DSCAM: variants seen among roughly 807,000 people sequenced by gnomAD.
DSCAM encodes cell adhesion molecule DSCAM.
A neutral mutation model predicts 217.7 loss-of-function variants in DSCAM; 47 were observed. The observed-to-expected ratio is 0.22, with a 90% CI of 0.17 to 0.28. DSCAM has a LOEUF of 0.28. DSCAM is among the 10% of genes least tolerant of loss of function. The pLI, the probability that DSCAM is intolerant of heterozygous loss-of-function variation, is 1.00. For synonymous variants in DSCAM, 1,056 were observed against 1,015.3 expected, an observed-to-expected ratio of 1.04 and a Z score of -0.76; for missense variants, 2,080 against 2,618.3, an observed-to-expected ratio of 0.79 and a Z score of 4.49.
At position 40,075,084 on chromosome 21, in the gene DSCAM, A is replaced by G; in HGVS notation, c.4841T>C (p.Leu1614Pro). 6.2e-7 allele frequency: 1 copy of G among 1,614,218 alleles called. No homozygotes were observed. The highest frequency in any genetic ancestry group is 8.5e-7 in the Non-Finnish European group (1 of 1,180,040). The change falls in exon 27 of 33, where the codon CTG becomes CCG. Residue 1614 changes from leucine (L) to proline (P), a missense_variant. By Grantham distance (98) the Leu-to-Pro change is moderately conservative. Coordinates refer to ENST00000400454, the MANE Select transcript of DSCAM (RefSeq NM_001389.5). ...CTCCCGCCGCCTCCTCCGCACAACCAGCAGGAGCACAAACAGCAGCAAGAC... is the reference window on the plus strand; with the variant it reads ...CTCCCGCCGCCTCCTCCGCACAACCGGCAGGAGCACAAACAGCAGCAAGAC... ...VGVLLLFVLLLVVRRRRREQR... is the reference protein window; with the variant it reads ...VGVLLLFVLLPVVRRRRREQR...
At chr21:40,336,683 G>A (rs2074432870) in intron 8 of DSCAM, among the ~76,000 whole-genome samples, 1 of 152,182 alleles carries the variant, frequency 6.6e-6, no homozygotes, top group Non-Finnish European at 1.5e-5. Flanking sequence ...TTAAGATACT[G>A]CCATGTTTTA....
intron 8 of DSCAM, among the ~76,000 whole-genome samples, chr21:40,330,957 G>T (rs186857513): frequency 1.3e-5 from 2 of 152,056 alleles, no homozygotes; most frequent in African/African-American, 4.8e-5. Context: ...TTCCCAAGTC[G>T]TTGTTGAAAA....
chr21:40,717,235 C>T (rs1044838898), intron 1 of DSCAM, among the ~76,000 whole-genome samples: 7 of 152,172 alleles, frequency 4.6e-5, no homozygotes, highest in East Asian at 1.9e-4. Context: ...ATAACCAAGG[C>T]GTGGAAGGGT....
Position 40,824,865 on chromosome 21 carries a change from C to A in DSCAM, c.43+21754G>T, listed in dbSNP as rs75152182. 1.4e-3 allele frequency among the ~76,000 whole-genome samples: 209 copies of A among 152,296 alleles called. 2 individuals carry two copies. Among genetic ancestry groups the A allele is most frequent in the African/African-American group, 4.3e-3 (179 of 41,552 alleles). On this transcript the variant is annotated intron_variant, in intron 1 of 32. Transcript: ENST00000400454. ...CCCACGTTTCCCAGTCAAAAGCATA[C>A]ACAACCTTAAAAGTAAAGTTTTTAA... is the stretch of plus-strand genomic sequence containing the variant.
intron 4 of DSCAM, among the ~76,000 whole-genome samples, chr21:40,364,946 T>C (rs1339730218): frequency 6.7e-6 from 1 of 150,166 alleles, no homozygotes; most frequent in Non-Finnish European, 1.5e-5. Flanking sequence ...TATAAAAGAA[T>C]TTCATACTTT....
intron 17 of DSCAM, 68 bp from the exon 18 acceptor site, chr21:40,142,772 G>A (rs2090308869): frequency 3.3e-6 from 5 of 1,502,894 alleles, no homozygotes; most frequent in East Asian, 2.3e-5. Flanking sequence ...AACCGAAAAA[G>A]CAACGTATTT....
intron 3 of DSCAM, among the ~76,000 whole-genome samples, chr21:40,509,487 G>C (rs978817432): frequency 6.6e-6 from 1 of 152,162 alleles, no homozygotes; most frequent in Non-Finnish European, 1.5e-5. Flanking sequence ...GCTCCCCATT[G>C]TTCCTCTCAC....
At chr21:40,143,501 G>A (rs1450903751) in intron 17 of DSCAM, among the ~76,000 whole-genome samples, 6 of 152,206 alleles carry the variant, frequency 3.9e-5, no homozygotes, top group African/African-American at 1.2e-4. Context: ...CCGCAAACCT[G>A]TGATCAAGGG....
chr21:40,290,543 C>T (rs996339081), intron 10 of DSCAM, among the ~76,000 whole-genome samples: 14 of 152,160 alleles, frequency 9.2e-5, no homozygotes, highest in Non-Finnish European at 1.9e-4. Context: ...ATCTCTTGAA[C>T]CCGGGAGGTG....
intron 29 of DSCAM, 79 bp downstream of exon 29, chr21:40,055,646 T>A: frequency 9.5e-7 from 1 of 1,049,690 alleles, no homozygotes; most frequent in Non-Finnish European, 1.5e-6. Context: ...GTCTAATATT[T>A]CCCACATCCT....
At chr21:40,369,775 T>TA (rs1011491473) in intron 3 of DSCAM, among the ~76,000 whole-genome samples, 6 of 152,176 alleles carry the variant, frequency 3.9e-5, no homozygotes, top group Non-Finnish European at 8.8e-5. Context: ...AAACTTCCCC[T>TA]AAAAAGGCTG....
At chr21:40,290,938 C>T (rs529419542) in intron 10 of DSCAM, among the ~76,000 whole-genome samples, 3 of 152,258 alleles carry the variant, frequency 2.0e-5, no homozygotes, top group African/African-American at 4.8e-5. Context: ...TAAGCTCTGA[C>T]AATGCAGAAA....
At chr21:40,148,232 T>A (rs1001312722) in intron 16 of DSCAM, among the ~76,000 whole-genome samples, 1 of 152,188 alleles carries the variant, frequency 6.6e-6, no homozygotes, top group African/African-American at 2.4e-5. Flanking sequence ...ATAGTTTTCA[T>A]GCAGAATAAA....
At chr21:40,331,875 A>AT (rs2074381273) in intron 8 of DSCAM, among the ~76,000 whole-genome samples, 1 of 152,092 alleles carries the variant, frequency 6.6e-6, no homozygotes, top group Admixed American at 6.5e-5. Context: ...TTTACCTGTG[A>AT]TTTTAACTAC....
At chr21:40,183,117 CG>C (rs535676937) in intron 14 of DSCAM, among the ~76,000 whole-genome samples, 906 of 68,820 alleles carry the variant, frequency 0.013, 259 homozygotes, top group South Asian at 0.021. Flanking sequence ...CCAGAGAAAC[CG>C]TGGACAGGAG....
In DSCAM at chr21:40,758,468, G is replaced by T. The variant is rs1325917224; in HGVS notation, c.44-49697C>A. 2.0e-5 allele frequency among the ~76,000 whole-genome samples: 3 copies of T among 148,794 alleles called. No homozygotes were observed. The Admixed American group carries it at 2.0e-4, about 10-fold the overall frequency. ...GGAGACGGAGCTTGCAGTGAGCCGA[G>T]GTGGTGCCACTGCACTCCAGCCTGG... is the stretch of plus-strand genomic sequence containing the variant. On this transcript the variant is annotated intron_variant, in intron 1 of 32. Coordinates refer to ENST00000400454, the MANE Select transcript of DSCAM (RefSeq NM_001389.5).
At chr21:40,384,333 C>A (rs146378121) in intron 3 of DSCAM, among the ~76,000 whole-genome samples, 38 of 152,204 alleles carry the variant, frequency 2.5e-4, no homozygotes, top group African/African-American at 9.2e-4. Context: ...GAAGGCCTGG[C>A]GTGGTGGCTC....
chr21:40,385,377 C>T (rs900967986), intron 3 of DSCAM: 1 of 152,146 alleles, frequency 6.6e-6, no homozygotes, highest in South Asian at 2.1e-4. Context: ...TTGTTCAATG[C>T]TGTATTCCCA....
chr21:40,254,752 G>A (rs769741859), intron 11 of DSCAM, among the ~76,000 whole-genome samples: 17 of 152,060 alleles, frequency 1.1e-4, no homozygotes, highest in Non-Finnish European at 2.1e-4. Flanking sequence ...CCCCTATGGC[G>A]TTGATCCCAA....
Sources: gnomAD v4.1 joint callset for allele counts (sites outside exome capture counted in the v4.1 genomes callset) on GRCh38, gnomAD v4.1.1 for gene constraint, MANE v1.5 for transcripts, NCBI Gene and HGNC (gene_info 2026-07-23, HGNC 2026-07-21) for gene names.